Variants in PARD3B observed in about 807,000 individuals in gnomAD.
PARD3B encodes par-3 family cell polarity regulator beta, also known as partitioning defective 3 homolog B.
PARD3B carries 103 observed loss-of-function variants against 130.2 expected under a neutral mutation model. The observed-to-expected ratio is 0.79, with a 90% CI of 0.67 to 0.93. The LOEUF (loss-of-function observed/expected upper bound fraction) is 0.93, where lower values mean the gene tolerates loss of function less well. Ranked by LOEUF, PARD3B falls within the 40% of genes least tolerant of loss-of-function variation. PARD3B has a pLI of 0.00. For synonymous variants in PARD3B, 583 were observed against 553.2 expected (o/e 1.05, Z -0.76); for missense variants, 1,609 against 1,499.2 (o/e 1.07, Z -1.21).
intron 2 of PARD3B, among the ~76,000 whole-genome samples, chr2:204,817,987 T>C (rs1326055233): frequency 6.6e-6 from 1 of 152,144 alleles, no homozygotes; most frequent in Non-Finnish European, 1.5e-5. Flanking sequence ...GAAAGTTTAC[T>C]TGGAGTATTT....
chr2:204,643,476 G>A (rs903043877), intron 1 of PARD3B, among the ~76,000 whole-genome samples: 1 of 152,060 alleles, frequency 6.6e-6, no homozygotes, highest in Non-Finnish European at 1.5e-5. Flanking sequence ...CTACGAATTT[G>A]ACTCCTTAGC....
intron 2 of PARD3B, among the ~76,000 whole-genome samples, chr2:204,875,920 C>T (rs1430811817): frequency 6.6e-6 from 1 of 152,192 alleles, no homozygotes; most frequent in East Asian, 1.9e-4. Context: ...CACTGGGGAC[C>T]TGCTGACTCT....
At chr2:204,598,021 G>C (rs990686815) in intron 1 of PARD3B, among the ~76,000 whole-genome samples, 1 of 152,166 alleles carries the variant, frequency 6.6e-6, no homozygotes, top group East Asian at 1.9e-4. Context: ...TGGAAACATA[G>C]CTCCAAATGA....
At chr2:204,905,176 C>T (rs2047000639) in intron 2 of PARD3B, among the ~76,000 whole-genome samples, 2 of 152,152 alleles carry the variant, frequency 1.3e-5, no homozygotes, top group Admixed American at 6.5e-5. Context: ...TTAAGTGTTT[C>T]CCCTACCTCC....
chr2:205,326,674 G>A (rs1045997604), intron 18 of PARD3B, among the ~76,000 whole-genome samples: 3 of 152,022 alleles, frequency 2.0e-5, no homozygotes, highest in African/African-American at 7.2e-5. Flanking sequence ...TGATTAAAAG[G>A]TAATTAAATA....
intron 20 of PARD3B, among the ~76,000 whole-genome samples, chr2:205,480,136 C>G (rs2049177325): frequency 6.6e-6 from 1 of 152,052 alleles, no homozygotes; most frequent in African/African-American, 2.4e-5. Flanking sequence ...AACTCCTGGC[C>G]TCAGATGATC....
chr2:205,280,939 C>T lies in PARD3B; in HGVS notation c.2186-19591C>T, dbSNP rs890539008. 3.3e-5 allele frequency among the ~76,000 whole-genome samples: 5 copies of T among 152,140 alleles called. No homozygotes were observed. The highest frequency in any genetic ancestry group is 7.2e-5 in the African/African-American group (3 of 41,432). ...ATTGATTCCTTTTATTACTAGCAGC[C>T]GTTTAACCTGACCTCTTCCAGATCC... On this transcript the variant is annotated intron_variant, in intron 16 of 22. Coordinates refer to ENST00000406610, the MANE Select transcript of PARD3B (RefSeq NM_001302769.2). This position sits in a 1 kb window ranked among gnomAD's most constrained non-coding sequence, Gnocchi z 4.7.
intron 4 of PARD3B, among the ~76,000 whole-genome samples, chr2:205,072,871 T>C (rs1700826570): frequency 6.6e-6 from 1 of 152,150 alleles, no homozygotes; most frequent in South Asian, 2.1e-4. Context: ...AATTAAAATT[T>C]TATGTATGAG....
chr2:205,336,068 G>C (rs1345244193), intron 18 of PARD3B, among the ~76,000 whole-genome samples: 1 of 152,098 alleles, frequency 6.6e-6, no homozygotes, highest in Non-Finnish European at 1.5e-5. Flanking sequence ...TGGCCAGGCT[G>C]GTCTCAAACT....
chr2:205,573,796 A>C (rs2053644786), intron 22 of PARD3B, among the ~76,000 whole-genome samples: 1 of 152,206 alleles, frequency 6.6e-6, no homozygotes, highest in South Asian at 2.1e-4. Flanking sequence ...TGATATGAAT[A>C]TCAGGAAATT....
chr2:205,373,872 T>A (rs1210457676), intron 18 of PARD3B, among the ~76,000 whole-genome samples: 1 of 152,228 alleles, frequency 6.6e-6, no homozygotes, highest in Non-Finnish European at 1.5e-5. Context: ...TTCTGCATGC[T>A]AGAAAGATGT....
intron 11 of PARD3B, among the ~76,000 whole-genome samples, chr2:205,168,374 AT>A (rs2034954951): frequency 6.6e-6 from 1 of 151,528 alleles, no homozygotes; most frequent in Non-Finnish European, 1.5e-5. Context: ...ATATCCTAGA[AT>A]TACCAAGCAA....
rs2046410978 is a variant in PARD3B at position 204,890,651 on chromosome 2, C to G, written c.223-74501C>G. On this transcript the variant is annotated intron_variant, in intron 2 of 22. Coordinates refer to ENST00000406610, the MANE Select transcript of PARD3B (RefSeq NM_001302769.2). The surrounding 1 kb of genome is among the most constrained non-coding windows in gnomAD (Gnocchi z 4.9). ...TAGCTGAAGAAAACCAGGAGAAAAC[C>G]AGGACACATGCACAACGGTAAGTGT... Among the ~76,000 whole-genome samples, 2 of 151,930 alleles carry G rather than the reference C, an allele frequency of 1.3e-5. No individual in the cohort carries two copies. Among genetic ancestry groups the G allele is most frequent in the South Asian group, 4.2e-4 (2 of 4,814 alleles).
chr2:204,738,704 C>G (rs542260655), intron 2 of PARD3B, among the ~76,000 whole-genome samples: 1 of 144,190 alleles, frequency 6.9e-6, no homozygotes, highest in South Asian at 2.1e-4. Context: ...TCCCCACATC[C>G]TTTCTGGCTG....
chr2:204,784,548 G>A (rs1216621899), intron 2 of PARD3B, among the ~76,000 whole-genome samples: 1 of 152,136 alleles, frequency 6.6e-6, no homozygotes. Context: ...TGCCACGGAT[G>A]GAGGAACTAA....
At chr2:205,524,694 G>A (rs1479933748) in intron 21 of PARD3B, among the ~76,000 whole-genome samples, 1 of 152,110 alleles carries the variant, frequency 6.6e-6, no homozygotes, top group Non-Finnish European at 1.5e-5. Context: ...TCAGAATGCT[G>A]CCACTTCCAA....
intron 1 of PARD3B, among the ~76,000 whole-genome samples, chr2:204,580,115 C>G (rs1048146460): frequency 6.6e-6 from 1 of 152,148 alleles, no homozygotes; most frequent in African/African-American, 2.4e-5. Flanking sequence ...AGTCTAGACT[C>G]TGGAGGAGAG....
At chr2:205,074,772 A>G (rs73057136) in intron 4 of PARD3B, among the ~76,000 whole-genome samples, 1,878 of 152,308 alleles carry the variant, frequency 0.012, 35 homozygotes, top group African/African-American at 0.042. Context: ...TCTATTTCAC[A>G]GGCGCTCAAA....
At chr2:204,747,578 C>G (rs1265836464) in intron 2 of PARD3B, among the ~76,000 whole-genome samples, 1 of 151,822 alleles carries the variant, frequency 6.6e-6, no homozygotes, top group Non-Finnish European at 1.5e-5. Context: ...TTGGAAAAAC[C>G]CAAAGTTCAT....
Sources: allele counts gnomAD v4.1 joint callset (sites outside exome capture counted in the v4.1 genomes callset), GRCh38; gene constraint gnomAD v4.1.1; non-coding constraint Gnocchi (gnomAD v3.1); transcripts MANE v1.5; gene names NCBI Gene and HGNC (gene_info 2026-07-23, HGNC 2026-07-21).